SGCZ: variants seen among roughly 807,000 people sequenced by gnomAD.
The protein encoded by SGCZ is zeta-sarcoglycan.
In SGCZ, 40 loss-of-function variants were observed where a neutral mutation model predicts 41.3. That is an observed-to-expected ratio of 0.97 (90% CI 0.75 to 1.26). The LOEUF is 1.26. SGCZ is among the 50% of genes most tolerant of loss of function. The pLI is 0.00. For missense variants in SGCZ, 552 were observed against 369.8 expected, an observed-to-expected ratio of 1.49 and a Z score of -4.04; for synonymous variants, 206 against 137.5, an observed-to-expected ratio of 1.50 and a Z score of -3.49.
At chr8:14,777,301 T>C (rs146648775) in intron 1 of SGCZ, among the ~76,000 whole-genome samples, 12 of 152,280 alleles carry the variant, frequency 7.9e-5, no homozygotes, top group African/African-American at 2.9e-4. Context: ...CATGTTATAA[T>C]TACAGATATC....
At chr8:14,799,932 A>G (rs1257440576) in intron 1 of SGCZ, among the ~76,000 whole-genome samples, 3 of 152,180 alleles carry the variant, frequency 2.0e-5, no homozygotes, top group African/African-American at 4.8e-5. Flanking sequence ...TTTCGTTGAT[A>G]AGTATTATAA....
rs189453629 is a variant in SGCZ, at chr8:14,453,219, T to C, written c.234+101513A>G. On this transcript the variant is annotated intron_variant, in intron 2 of 7. Transcript: ENST00000382080. ...TAACTTTAAAGATGGTTTGTAAACA[T>C]AAAAATTTTCTATTCGTCTTCATTG... 1.1e-4 allele frequency among the ~76,000 whole-genome samples: 16 copies of C among 152,320 alleles called. No homozygotes were observed. In the East Asian group the frequency reaches 3.1e-3, roughly 29 times the overall value.
At chr8:14,204,017 T>G (rs1425065065) in intron 4 of SGCZ, among the ~76,000 whole-genome samples, 1 of 151,808 alleles carries the variant, frequency 6.6e-6, no homozygotes, top group Non-Finnish European at 1.5e-5. Context: ...TATTCATAAA[T>G]ATATGGAGAG....
intron 3 of SGCZ, among the ~76,000 whole-genome samples, chr8:14,300,706 G>T (rs1333578627): frequency 6.6e-6 from 1 of 151,910 alleles, no homozygotes; most frequent in Non-Finnish European, 1.5e-5. Flanking sequence ...GGTTAATTTT[G>T]AATTTCCCTG....
chr8:14,595,348 A>G (rs1046648850), intron 1 of SGCZ, among the ~76,000 whole-genome samples: 1 of 151,742 alleles, frequency 6.6e-6, no homozygotes, highest in Non-Finnish European at 1.5e-5. Context: ...GTGCATATGT[A>G]TCTGTGTCTT....
chr8:14,456,252 T>C (rs969409022), intron 2 of SGCZ, among the ~76,000 whole-genome samples: 1 of 151,930 alleles, frequency 6.6e-6, no homozygotes, highest in African/African-American at 2.4e-5. Context: ...CTACTAAATA[T>C]ACAAAATTAG....
intron 1 of SGCZ, among the ~76,000 whole-genome samples, chr8:14,846,432 G>C (rs1205235564): frequency 6.6e-6 from 1 of 151,786 alleles, no homozygotes; most frequent in Admixed American, 6.6e-5. Flanking sequence ...ATCCCAGCAA[G>C]ACTGATCAGG....
At chr8:14,097,798 A>ATACTT (rs1801890865) in intron 7 of SGCZ, among the ~76,000 whole-genome samples, 1 of 152,058 alleles carries the variant, frequency 6.6e-6, no homozygotes, top group Non-Finnish European at 1.5e-5. Flanking sequence ...TATATTTAGG[A>ATACTT]TACTTAGATC....
intron 3 of SGCZ, among the ~76,000 whole-genome samples, chr8:14,264,992 A>G (rs1014073545): frequency 1.3e-5 from 2 of 152,048 alleles, no homozygotes; most frequent in South Asian, 2.1e-4. Context: ...AAAACACAAA[A>G]AAACAAAAAA....
intron 1 of SGCZ, among the ~76,000 whole-genome samples, chr8:15,089,804 AT>A (rs948721451): frequency 7.2e-5 from 11 of 152,152 alleles, no homozygotes; most frequent in African/African-American, 2.7e-4. Flanking sequence ...TGTGGATCAT[AT>A]TGTTTCAATA....
At chr8:15,092,985 T>C (rs748908216) in intron 1 of SGCZ, among the ~76,000 whole-genome samples, 3 of 152,228 alleles carry the variant, frequency 2.0e-5, no homozygotes, top group Non-Finnish European at 4.4e-5. Context: ...CAGCCACATA[T>C]GACAAATACA....
intron 1 of SGCZ, among the ~76,000 whole-genome samples, chr8:14,699,802 C>T (rs528285822): frequency 6.6e-5 from 10 of 151,868 alleles, no homozygotes; most frequent in South Asian, 2.1e-4. Context: ...AAGACATGAA[C>T]GGGCACTTCT....
chr8:14,494,726 C>T (rs1801941395), intron 2 of SGCZ, among the ~76,000 whole-genome samples: 3 of 152,162 alleles, frequency 2.0e-5, no homozygotes, highest in South Asian at 2.1e-4. Flanking sequence ...TTAACTACAA[C>T]ATCAGTAGAC....
intron 2 of SGCZ, among the ~76,000 whole-genome samples, chr8:14,499,618 T>C (rs1802092512): frequency 6.6e-6 from 1 of 152,096 alleles, no homozygotes; most frequent in Non-Finnish European, 1.5e-5. Context: ...TCACTGACTT[T>C]CATTTGACAG....
chr8:14,903,541 T>TA (rs1363095349), intron 1 of SGCZ, among the ~76,000 whole-genome samples: 1 of 152,016 alleles, frequency 6.6e-6, no homozygotes, highest in Non-Finnish European at 1.5e-5. Context: ...AATAAATAAG[T>TA]AAAAACACAG....
intron 1 of SGCZ, among the ~76,000 whole-genome samples, chr8:14,999,207 T>A (rs1802323353): frequency 6.6e-6 from 1 of 152,178 alleles, no homozygotes; most frequent in African/African-American, 2.4e-5. Context: ...ATACATGGGG[T>A]TTCTCTTAAG....
intron 2 of SGCZ, among the ~76,000 whole-genome samples, chr8:14,547,903 T>C (rs1486032418): frequency 6.6e-6 from 1 of 152,230 alleles, no homozygotes; most frequent in Non-Finnish European, 1.5e-5. Context: ...TATTTGTTAA[T>C]GCATATTTAT....
intron 5 of SGCZ, among the ~76,000 whole-genome samples, chr8:14,136,113 A>G (rs1803189357): frequency 6.6e-6 from 1 of 152,214 alleles, no homozygotes; most frequent in South Asian, 2.1e-4. Context: ...GCAATAGATA[A>G]AAAGCACTAC....
intron 2 of SGCZ, among the ~76,000 whole-genome samples, chr8:14,523,124 A>C (rs1802839156): frequency 1.3e-5 from 2 of 151,920 alleles, no homozygotes; most frequent in Non-Finnish European, 2.9e-5. Flanking sequence ...AATTGTCTTA[A>C]ATATCTCTCC....
Sources: allele counts gnomAD v4.1 joint callset (sites outside exome capture counted in the v4.1 genomes callset), GRCh38; gene constraint gnomAD v4.1.1; transcripts MANE v1.5; gene names NCBI Gene and HGNC (gene_info 2026-07-23, HGNC 2026-07-21).